The following SLC39A11 variants were observed in gnomAD, a reference collection of about 807,000 sequenced individuals.
The protein encoded by SLC39A11 is zinc transporter ZIP11.
Under a neutral mutation model 36.1 loss-of-function variants are expected in SLC39A11, and 33 were observed. The observed-to-expected ratio is 0.91, with a 90% CI of 0.69 to 1.22. SLC39A11 has a LOEUF of 1.22. Among genes scored for constraint, SLC39A11 ranks in the 50% most tolerant of loss-of-function variants. The pLI is 0.00. For missense variants in SLC39A11, 432 were observed against 430.3 expected (o/e 1.00, Z -0.03); for synonymous variants, 166 against 170.3 (o/e 0.97, Z 0.20).
chr17:72,890,232 T>C (rs1233960209), intron 5 of SLC39A11, among the ~76,000 whole-genome samples: 1 of 150,238 alleles, frequency 6.7e-6, no homozygotes, highest in East Asian at 2.0e-4. Context: ...GCCACTGCAC[T>C]CCAGCTTGGG....
chr17:73,092,630 C>T lies in SLC39A11; in HGVS notation c.-31G>A, dbSNP rs1213136330. 4.6e-5 allele frequency: 7 copies of T among 152,794 alleles called. No individual in the cohort carries two copies. The allele number at this position is 152,794 out of a possible 1,614,324, so 9.5% of individuals were successfully genotyped here. A position where few individuals can be genotyped will look rare whatever the true frequency, so the allele number is the denominator to read the frequency against. ...ACTCACTAGGGTGCCCTCTCCAGCC[C>T]CCACTGCACTTCCATCAGCCCCCGC... On this transcript the variant is annotated 5_prime_UTR_variant, in exon 1 of 10. Transcript: ENST00000255559.
At chr17:72,778,384 G>A (rs542139541) in intron 6 of SLC39A11, among the ~76,000 whole-genome samples, 54 of 152,312 alleles carry the variant, frequency 3.5e-4, no homozygotes, top group African/African-American at 1.1e-3. Context: ...CTGTTCGGCC[G>A]GCACAATCAG....
intron 6 of SLC39A11, among the ~76,000 whole-genome samples, chr17:72,809,753 T>TTTTG (rs963665906): frequency 5.9e-5 from 9 of 152,142 alleles, no homozygotes; most frequent in African/African-American, 1.4e-4. Context: ...AAGCCTCAGA[T>TTTTG]TTTGTTTGTT....
At chr17:73,057,166 A>C (rs757346848) in intron 3 of SLC39A11, among the ~76,000 whole-genome samples, 19 of 152,244 alleles carry the variant, frequency 1.2e-4, no homozygotes, top group South Asian at 2.1e-4. Flanking sequence ...GGGTTTCGCC[A>C]TGTTGTCCAG....
chr17:72,980,644 T>C (rs1353081062), intron 4 of SLC39A11, among the ~76,000 whole-genome samples: 6 of 152,168 alleles, frequency 3.9e-5, no homozygotes, highest in African/African-American at 1.2e-4. Context: ...GACGAATAGA[T>C]GATAAGACGT....
At chr17:73,014,232 G>A (rs2090685252) in intron 4 of SLC39A11, among the ~76,000 whole-genome samples, 1 of 152,196 alleles carries the variant, frequency 6.6e-6, no homozygotes, top group African/African-American at 2.4e-5. Context: ...TTTATAATGA[G>A]ATGATCAGTT....
chr17:72,904,761 G>A (rs2082563795), intron 5 of SLC39A11, among the ~76,000 whole-genome samples: 1 of 152,176 alleles, frequency 6.6e-6, no homozygotes, highest in Admixed American at 6.5e-5. Flanking sequence ...TGTGATATAA[G>A]TGATTCTCTC....
intron 7 of SLC39A11, among the ~76,000 whole-genome samples, chr17:72,712,007 C>T (rs1023058686): frequency 6.6e-6 from 1 of 152,208 alleles, no homozygotes; most frequent in African/African-American, 2.4e-5. Context: ...ATGAAGGCTG[C>T]AAAGCACAGG....
At chr17:73,021,667 G>A (rs779801152) in intron 4 of SLC39A11, among the ~76,000 whole-genome samples, 5 of 151,994 alleles carry the variant, frequency 3.3e-5, no homozygotes, top group African/African-American at 7.3e-5. Context: ...TGCCACCCTC[G>A]GCTATCGACT....
At chr17:72,802,453 G>A (rs147460397) in intron 6 of SLC39A11, among the ~76,000 whole-genome samples, 1,671 of 152,014 alleles carry the variant, frequency 0.011, 35 homozygotes, top group African/African-American at 0.038. Flanking sequence ...AGCTGGGCAC[G>A]GTGGCGGGCG....
chr17:72,979,885 A>G (rs1177365331), intron 4 of SLC39A11, among the ~76,000 whole-genome samples: 1 of 151,712 alleles, frequency 6.6e-6, no homozygotes, highest in Non-Finnish European at 1.5e-5. Flanking sequence ...AGCGGCAAGC[A>G]CCCCTCCCAT....
intron 7 of SLC39A11, among the ~76,000 whole-genome samples, chr17:72,696,595 G>A (rs1003433015): frequency 5.9e-5 from 9 of 151,976 alleles, no homozygotes; most frequent in African/African-American, 1.9e-4. Context: ...TGAGACCCAC[G>A]CTCCTCAGAG....
intron 6 of SLC39A11, among the ~76,000 whole-genome samples, chr17:72,846,600 A>G (rs2079065909): frequency 6.6e-6 from 1 of 152,236 alleles, no homozygotes; most frequent in South Asian, 2.1e-4. Context: ...ATGAGCCAGG[A>G]AATAATTCCA....
chr17:72,933,073 T>G (rs181973785), intron 5 of SLC39A11, among the ~76,000 whole-genome samples: 40 of 152,298 alleles, frequency 2.6e-4, no homozygotes, highest in Non-Finnish European at 4.1e-4. Flanking sequence ...AACATTATAC[T>G]GCAAGTCTTA....
chr17:73,009,595 G>A (rs1480608344), intron 4 of SLC39A11, among the ~76,000 whole-genome samples: 1 of 152,030 alleles, frequency 6.6e-6, no homozygotes, highest in Non-Finnish European at 1.5e-5. Context: ...TAATAGGCAT[G>A]GGGTTTCCTT....
intron 5 of SLC39A11, among the ~76,000 whole-genome samples, chr17:72,864,846 T>C (rs1177992341): frequency 6.6e-6 from 1 of 152,142 alleles, no homozygotes; most frequent in African/African-American, 2.4e-5. Context: ...TTGAAAAAGA[T>C]ACAAGAAGCT....
intron 4 of SLC39A11, among the ~76,000 whole-genome samples, chr17:72,954,048 G>GT (rs2086071640): frequency 6.6e-6 from 1 of 152,054 alleles, no homozygotes; most frequent in Non-Finnish European, 1.5e-5. Context: ...TTTAAATTTT[G>GT]TATTTGTTAT....
intron 4 of SLC39A11, among the ~76,000 whole-genome samples, chr17:72,985,114 C>A (rs2088618466): frequency 6.6e-6 from 1 of 152,176 alleles, no homozygotes; most frequent in African/African-American, 2.4e-5. Flanking sequence ...TAGGAATGTG[C>A]ACACTCCACG....
intron 7 of SLC39A11, among the ~76,000 whole-genome samples, chr17:72,666,014 C>T (rs1900077203): frequency 1.3e-5 from 2 of 152,286 alleles, no homozygotes; most frequent in South Asian, 2.1e-4. Context: ...AGATGCACGT[C>T]TAAGAGTTCT....
Sources: gnomAD v4.1 joint callset for allele counts (sites outside exome capture counted in the v4.1 genomes callset) on GRCh38, gnomAD v4.1.1 for gene constraint, MANE v1.5 for transcripts, NCBI Gene and HGNC (gene_info 2026-07-23, HGNC 2026-07-21) for gene names.